The following CDKAL1 variants were observed in gnomAD, a reference collection of about 807,000 sequenced individuals.
CDKAL1 encodes CDKAL1 threonylcarbamoyladenosine tRNA methylthiotransferase.
A neutral mutation model predicts 68.2 loss-of-function variants in CDKAL1; 32 were observed. That is an observed-to-expected ratio of 0.47 (90% CI 0.35 to 0.63). CDKAL1 has a LOEUF of 0.63. Ranked by LOEUF, CDKAL1 falls within the 30% of genes least tolerant of loss-of-function variation. The pLI, the probability that CDKAL1 is intolerant of heterozygous loss-of-function variation, is 0.00. For synonymous variants in CDKAL1, 234 were observed against 244.3 expected (o/e 0.96, Z 0.39); for missense variants, 606 against 696.7 (o/e 0.87, Z 1.47).
At chr6:20,590,737 T>A (rs1765557396) in intron 4 of CDKAL1, among the ~76,000 whole-genome samples, 1 of 152,248 alleles carries the variant, frequency 6.6e-6, no homozygotes, top group Non-Finnish European at 1.5e-5. Flanking sequence ...GTGCCACATT[T>A]TCTTTATCCA....
At chr6:21,059,364 C>G (rs1486761972) in intron 11 of CDKAL1, among the ~76,000 whole-genome samples, 1 of 152,244 alleles carries the variant, frequency 6.6e-6, no homozygotes, top group Non-Finnish European at 1.5e-5. Flanking sequence ...CTTGCTGCTG[C>G]TGGCTGCAAC....
chr6:20,654,568 A>G (rs182333763), intron 5 of CDKAL1, among the ~76,000 whole-genome samples: 62 of 152,294 alleles, frequency 4.1e-4, no homozygotes, highest in Middle Eastern at 3.4e-3. Flanking sequence ...TAAAAGTTTC[A>G]TGGTTTTACC....
intron 12 of CDKAL1, among the ~76,000 whole-genome samples, chr6:21,096,813 C>G (rs1175028426): frequency 6.6e-6 from 1 of 152,240 alleles, no homozygotes; most frequent in East Asian, 1.9e-4. Context: ...TAGACAGCAG[C>G]GAGTTTGTTG....
At position 20,955,544 on chromosome 6, in the gene CDKAL1, C is replaced by T; in HGVS notation, c.868C>T (p.Leu290Phe). ...EVIPEGAMLR[L>F]GMTNPPYILE... ...GATTCCTGAGGGAGCAATGCTGAGG[C>T]TTGGCATGACAAATCCGCCCTATAT... Residue 290 changes from leucine to phenylalanine, a missense_variant, in exon 10 of 16, where the codon CTT becomes TTT. By Grantham distance (22) the Leu-to-Phe change is conservative. Coordinates refer to ENST00000274695, the MANE Select transcript of CDKAL1 (RefSeq NM_017774.3). 1.2e-6 allele frequency: 2 copies of T among 1,614,172 alleles called. No homozygotes were observed. Among genetic ancestry groups the T allele is most frequent in the Non-Finnish European group, 1.7e-6 (2 of 1,180,014 alleles).
chr6:20,562,711 C>T (rs1255317914), intron 4 of CDKAL1, among the ~76,000 whole-genome samples: 1 of 151,582 alleles, frequency 6.6e-6, no homozygotes, highest in Non-Finnish European at 1.5e-5. Flanking sequence ...CACTACACTC[C>T]AGCCTGGGCA....
chr6:20,949,763 A>T (rs1764431437), intron 9 of CDKAL1, among the ~76,000 whole-genome samples: 1 of 152,076 alleles, frequency 6.6e-6, no homozygotes, highest in Non-Finnish European at 1.5e-5. Flanking sequence ...AGAGCATGTA[A>T]ATTATTCTCA....
intron 9 of CDKAL1, among the ~76,000 whole-genome samples, chr6:20,852,234 A>C (rs891773659): frequency 6.6e-6 from 1 of 152,158 alleles, no homozygotes; most frequent in Non-Finnish European, 1.5e-5. Flanking sequence ...ACAACTGTTG[A>C]GTCCTGGCTC....
chr6:21,038,850 A>G (rs1323859718), intron 11 of CDKAL1, among the ~76,000 whole-genome samples: 1 of 152,146 alleles, frequency 6.6e-6, no homozygotes, highest in Non-Finnish European at 1.5e-5. Context: ...TTGTCCATTT[A>G]TTTAATTTTT....
At chr6:21,122,727 C>A (rs1037659169) in intron 13 of CDKAL1, among the ~76,000 whole-genome samples, 1 of 151,686 alleles carries the variant, frequency 6.6e-6, no homozygotes, top group Non-Finnish European at 1.5e-5. Context: ...GCCTCGAACT[C>A]CTGGGTTCAA....
chr6:20,907,346 C>T (rs898607313), intron 9 of CDKAL1, among the ~76,000 whole-genome samples: 18 of 152,094 alleles, frequency 1.2e-4, no homozygotes, highest in African/African-American at 4.3e-4. Context: ...CGCTTGAGCC[C>T]AGGAGGTAGA....
intron 9 of CDKAL1, among the ~76,000 whole-genome samples, chr6:20,913,003 A>T (rs185147789): frequency 6.6e-6 from 1 of 152,190 alleles, no homozygotes; most frequent in East Asian, 1.9e-4. Context: ...TGGCAAAAAA[A>T]AAAGAAAACA....
At chr6:20,781,940 G>A (rs112507446) in intron 8 of CDKAL1, among the ~76,000 whole-genome samples, 17 of 152,248 alleles carry the variant, frequency 1.1e-4, no homozygotes, top group Admixed American at 2.6e-4. Context: ...CTAATTACCC[G>A]TACAACCACA....
Position 20,900,115 on chromosome 6 carries a change from C to T in CDKAL1, c.742+53937C>T, listed in dbSNP as rs540835505. On this transcript the variant is annotated intron_variant, in intron 9 of 15. Transcript: ENST00000274695. ...GTATTCTAGTCTTCAACTTTTTACC[C>T]GTAATAACTTTTATTGAGAGAGTTT... Among the ~76,000 whole-genome samples the T allele has an allele frequency of 7.2e-5, 11 of 152,150 alleles. No individual in the cohort carries two copies. In the East Asian group the frequency reaches 1.4e-3, roughly 19 times the overall value.
chr6:20,573,173 G>A (rs1764772520), intron 4 of CDKAL1, among the ~76,000 whole-genome samples: 1 of 152,088 alleles, frequency 6.6e-6, no homozygotes, highest in South Asian at 2.1e-4. Context: ...AAAAGTATCT[G>A]AGATCTGTTT....
chr6:21,224,413 C>T (rs1265485393), intron 15 of CDKAL1, among the ~76,000 whole-genome samples: 2 of 152,272 alleles, frequency 1.3e-5, no homozygotes, highest in African/African-American at 4.8e-5. Flanking sequence ...ACTCGGGAGG[C>T]TCAAACAGGA....
chr6:21,230,525 A>T (rs1348052787), intron 15 of CDKAL1, among the ~76,000 whole-genome samples: 3 of 152,112 alleles, frequency 2.0e-5, no homozygotes, highest in Non-Finnish European at 4.4e-5. Context: ...CTAAGAGTTA[A>T]ATATGTCTGT....
rs570021413 is a variant in CDKAL1, at chr6:20,787,325, T to G, written c.638+6060T>G. Among the ~76,000 whole-genome samples the G allele has an allele frequency of 2.6e-5, 4 of 152,344 alleles. No homozygotes were observed. The East Asian group carries it at 7.7e-4, about 29-fold the overall frequency. The stretch of plus-strand genomic sequence containing the variant: ...CGAAAACTAACTCATATTTTTACAC[T>G]TTATGTCTGTAATGTACAAAATTTA... On this transcript the variant is annotated intron_variant, in intron 8 of 15. Coordinates refer to ENST00000274695, the MANE Select transcript of CDKAL1 (RefSeq NM_017774.3).
intron 10 of CDKAL1, among the ~76,000 whole-genome samples, chr6:20,964,928 C>T (rs187347968): frequency 6.6e-6 from 1 of 152,168 alleles, no homozygotes; most frequent in Non-Finnish European, 1.5e-5. Flanking sequence ...CCAAAAGAGA[C>T]GGTTAATTTT....
At chr6:20,767,622 T>A (rs965991810) in intron 7 of CDKAL1, among the ~76,000 whole-genome samples, 2 of 152,280 alleles carry the variant, frequency 1.3e-5, no homozygotes, top group Admixed American at 1.3e-4. Context: ...TATTTGATAA[T>A]TGGAATAATT....
Sources: gnomAD v4.1 joint callset for allele counts (sites outside exome capture counted in the v4.1 genomes callset) on GRCh38, gnomAD v4.1.1 for gene constraint, MANE v1.5 for transcripts, NCBI Gene and HGNC (gene_info 2026-07-23, HGNC 2026-07-21) for gene names.